UBE2E2: variants seen among roughly 807,000 people sequenced by gnomAD.
The protein encoded by UBE2E2 is ubiquitin-conjugating enzyme E2 E2.
In UBE2E2, 6 loss-of-function variants were observed where a neutral mutation model predicts 24.7. The observed-to-expected ratio is 0.24, with a 90% confidence interval of 0.13 to 0.48. The LOEUF (loss-of-function observed/expected upper bound fraction) is 0.48, where lower values mean the gene tolerates loss of function less well. Among genes scored for constraint, UBE2E2 ranks in the 20% least tolerant of loss-of-function variants. The pLI is 0.99. For synonymous variants in UBE2E2, 104 were observed against 83.6 expected, an observed-to-expected ratio of 1.24 and a Z score of -1.33; for missense variants, 169 against 245.0, an observed-to-expected ratio of 0.69 and a Z score of 2.07.
chr3:23,323,745 T>C (rs1694810223), intron 3 of UBE2E2, among the ~76,000 whole-genome samples: 1 of 152,120 alleles, frequency 6.6e-6, no homozygotes, highest in African/African-American at 2.4e-5. Context: ...CCTGTCCTTA[T>C]TTTAGTTTTA....
intron 3 of UBE2E2, among the ~76,000 whole-genome samples, chr3:23,484,660 A>C (rs1285786801): frequency 6.6e-6 from 1 of 152,178 alleles, no homozygotes; most frequent in East Asian, 1.9e-4. Context: ...AAGACTGGGT[A>C]ATTTATAAAG....
Position 23,436,718 on chromosome 3 carries a change from T to G in UBE2E2, c.228-62890T>G, listed in dbSNP as rs183297370. 2.2e-4 allele frequency among the ~76,000 whole-genome samples: 34 copies of G among 152,338 alleles called. No homozygotes were observed. In the South Asian group the frequency reaches 5.4e-3, roughly 24 times the overall value. On this transcript the variant is annotated intron_variant, in intron 3 of 5. Coordinates refer to ENST00000396703, the MANE Select transcript of UBE2E2 (RefSeq NM_152653.4). ...AATCTTATTTTTCCATGTTCCATCTTATTTTTATTAGAACGTCTTAAGTTC... is the reference window on the plus strand; with the variant it reads ...AATCTTATTTTTCCATGTTCCATCTGATTTTTATTAGAACGTCTTAAGTTC...
intron 3 of UBE2E2, among the ~76,000 whole-genome samples, chr3:23,394,617 A>C (rs372749215): frequency 2.0e-5 from 3 of 152,224 alleles, no homozygotes; most frequent in African/African-American, 4.8e-5. Context: ...GAGAGACTCA[A>C]CTCTGTCCCT....
At chr3:23,317,362 G>C (rs916057303) in intron 3 of UBE2E2, among the ~76,000 whole-genome samples, 4 of 152,272 alleles carry the variant, frequency 2.6e-5, no homozygotes, top group African/African-American at 9.6e-5. Flanking sequence ...TGCTGTGACA[G>C]GGCATCAGTG....
At chr3:23,274,866 G>A (rs1182770048) in intron 3 of UBE2E2, among the ~76,000 whole-genome samples, 1 of 152,018 alleles carries the variant, frequency 6.6e-6, no homozygotes, top group Non-Finnish European at 1.5e-5. Context: ...TTTTTGAAGA[G>A]TTTTGATAAA....
chr3:23,401,324 G>A (rs574237193), intron 3 of UBE2E2, among the ~76,000 whole-genome samples: 1 of 152,300 alleles, frequency 6.6e-6, no homozygotes, highest in South Asian at 2.1e-4. Context: ...CAAGAATAAT[G>A]TAGCAGCTAC....
intron 5 of UBE2E2, among the ~76,000 whole-genome samples, chr3:23,533,173 G>A (rs140752313): frequency 1.3e-5 from 2 of 152,264 alleles, no homozygotes; most frequent in African/African-American, 4.8e-5. Context: ...GTCCTGAATG[G>A]TCTGTTCTAG....
chr3:23,311,155 G>T (rs1460090639), intron 3 of UBE2E2, among the ~76,000 whole-genome samples: 3 of 152,132 alleles, frequency 2.0e-5, no homozygotes, highest in Non-Finnish European at 4.4e-5. Context: ...ATGGTTTCCA[G>T]CTTCATCTAT....
chr3:23,498,752 G>T (rs1699658960), intron 3 of UBE2E2, among the ~76,000 whole-genome samples: 1 of 152,112 alleles, frequency 6.6e-6, no homozygotes, highest in Non-Finnish European at 1.5e-5. Context: ...TACTTGAGAG[G>T]CTGAGACCCA....
At chr3:23,518,091 C>G (rs1323663267) in intron 4 of UBE2E2, among the ~76,000 whole-genome samples, 2 of 151,986 alleles carry the variant, frequency 1.3e-5, no homozygotes, top group Non-Finnish European at 2.9e-5. Context: ...GAAAATTAAC[C>G]CATTTTTTTT....
intron 3 of UBE2E2, among the ~76,000 whole-genome samples, chr3:23,368,594 T>A (rs1696319762): frequency 6.6e-6 from 1 of 152,202 alleles, no homozygotes; most frequent in Admixed American, 6.5e-5. Flanking sequence ...TAGCCCACAG[T>A]TGTAGGAATA....
Position 23,485,591 on chromosome 3 carries a change from A to G in UBE2E2, c.228-14017A>G, listed in dbSNP as rs536289531. ...TTTTTGTTGAAGTAGTAATGTGTGTATATCATGGAGGTGAGAGGATTAATT... is the reference window on the plus strand; with the variant it reads ...TTTTTGTTGAAGTAGTAATGTGTGTGTATCATGGAGGTGAGAGGATTAATT... On this transcript the variant is annotated intron_variant, in intron 3 of 5. Transcript: ENST00000396703. 2.6e-5 allele frequency among the ~76,000 whole-genome samples: 4 copies of G among 152,334 alleles called. No homozygotes were observed. The South Asian group carries it at 6.2e-4, about 24-fold the overall frequency.
rs148673961 is a variant in UBE2E2, at chr3:23,277,643, A to G, written c.227+60331A>G. ...AAAGAGTCCTAAATTAGGGGGCTAT[A>G]AATTAATTTTAATTCTTCCATTAAC... is the stretch of plus-strand genomic sequence containing the variant. On this transcript the variant is annotated intron_variant, in intron 3 of 5. Transcript: ENST00000396703. Among the ~76,000 whole-genome samples the G allele has an allele frequency of 1.4e-3, 212 of 152,238 alleles. 1 individual carries two copies. Among genetic ancestry groups the G allele is most frequent in the Admixed American group, 1.8e-3 (27 of 15,292 alleles).
In UBE2E2 at chr3:23,532,988, C is replaced by G. The variant is rs187460254; in HGVS notation, c.508+287C>G. 5.4e-3 allele frequency among the ~76,000 whole-genome samples: 820 copies of G among 152,106 alleles called. 7 individuals are homozygous for G. The highest frequency in any genetic ancestry group is 6.3e-3 in the Non-Finnish European group (427 of 68,006). On this transcript the variant is annotated intron_variant, in intron 5 of 5. Coordinates refer to ENST00000396703, the MANE Select transcript of UBE2E2 (RefSeq NM_152653.4). ...TTAAAGAATGAATTAAGTTATCCTGCCAAATAATAATAAAAATTCAAGTTG... is the reference window on the plus strand; with the variant it reads ...TTAAAGAATGAATTAAGTTATCCTGGCAAATAATAATAAAAATTCAAGTTG...
At chr3:23,496,193 C>G (rs1211369061) in intron 3 of UBE2E2, among the ~76,000 whole-genome samples, 9 of 152,232 alleles carry the variant, frequency 5.9e-5, no homozygotes, top group Admixed American at 3.3e-4. Context: ...TCACATTGTA[C>G]ATATGCAGCA....
intron 5 of UBE2E2, among the ~76,000 whole-genome samples, chr3:23,575,578 A>G (rs1328997359): frequency 6.6e-6 from 1 of 152,208 alleles, no homozygotes; most frequent in East Asian, 1.9e-4. Flanking sequence ...TAGGTATCAA[A>G]TTAAATACAG....
intron 3 of UBE2E2, among the ~76,000 whole-genome samples, chr3:23,290,889 TAAAAAAA>T (rs71051209): frequency 1.2e-5 from 1 of 86,766 alleles, no homozygotes; most frequent in East Asian, 3.2e-4. Flanking sequence ...ACTGTGTGTC[TAAAAAAA>T]AAAAAAAAAA....
At chr3:23,487,655 A>G (rs1699405425) in intron 3 of UBE2E2, among the ~76,000 whole-genome samples, 1 of 152,176 alleles carries the variant, frequency 6.6e-6, no homozygotes, top group Non-Finnish European at 1.5e-5. Flanking sequence ...TTTTTCAGAG[A>G]TGGACAACTG....
chr3:23,392,288 G>T (rs1003483520), intron 3 of UBE2E2, among the ~76,000 whole-genome samples: 1 of 152,148 alleles, frequency 6.6e-6, no homozygotes, highest in Non-Finnish European at 1.5e-5. Flanking sequence ...CAAATTGAGT[G>T]CCTGATATGC....
Sources: allele counts gnomAD v4.1 joint callset (sites outside exome capture counted in the v4.1 genomes callset), GRCh38; gene constraint gnomAD v4.1.1; transcripts MANE v1.5; gene names NCBI Gene and HGNC (gene_info 2026-07-23, HGNC 2026-07-21).